MYH11: variants seen among roughly 807,000 people sequenced by gnomAD.
MYH11 encodes myosin-11.
MYH11 carries 80 observed loss-of-function variants against 246.6 expected under a neutral mutation model. That is an observed-to-expected ratio of 0.32 (90% CI 0.27 to 0.39). The LOEUF is 0.39. MYH11 is among the 10% of genes least tolerant of loss of function. The pLI is 1.00. For missense variants in MYH11, 2,158 were observed against 2,546.8 expected (o/e 0.85, Z 3.29); for synonymous variants, 1,071 against 1,015.5 (o/e 1.05, Z -1.04).
In MYH11 at chr16:15,838,257, C is replaced by T. The variant is rs367591238; in HGVS notation, c.-5G>A. On this transcript the variant is annotated 5_prime_UTR_variant, in exon 2 of 41. Coordinates refer to ENST00000300036, the MANE Select transcript of MYH11 (RefSeq NM_002474.3). ...GAGTTGGCCCTTCTGCGCCATGGTG[C>T]CTTGTTGGTCCCCTGTGGAATAAGG... 12 of 1,613,800 alleles carry T rather than the reference C, an allele frequency of 7.4e-6. No homozygotes were observed. The highest frequency in any genetic ancestry group is 1.0e-5 in the Non-Finnish European group (12 of 1,179,862).
At chr16:15,852,520 A>C (rs1007862987) in intron 1 of MYH11, among the ~76,000 whole-genome samples, 11 of 151,740 alleles carry the variant, frequency 7.2e-5, no homozygotes, top group Admixed American at 5.2e-4. Context: ...TTTAGTAGAG[A>C]TAGGGTTTAG....
chr16:15,793,260 C>T lies in MYH11; in HGVS notation c.530+5400G>A, dbSNP rs79357059. On this transcript the variant is annotated intron_variant, in intron 4 of 40. Coordinates refer to ENST00000300036, the MANE Select transcript of MYH11 (RefSeq NM_002474.3). ...AGGCCTAAAAATTACATTTATTCAGCTTTCAGTTTCCTTCCTTTCTTGTCT... is the reference window on the plus strand; with the variant it reads ...AGGCCTAAAAATTACATTTATTCAGTTTTCAGTTTCCTTCCTTTCTTGTCT... Among the ~76,000 whole-genome samples the T allele has an allele frequency of 2.2e-3, 333 of 152,212 alleles. 2 individuals carry two copies. The highest frequency in any genetic ancestry group is 7.7e-3 in the African/African-American group (322 of 41,558).
chr16:15,804,682 C>G (rs2042969142), intron 3 of MYH11, among the ~76,000 whole-genome samples: 1 of 152,150 alleles, frequency 6.6e-6, no homozygotes, highest in Non-Finnish European at 1.5e-5. Context: ...CCCCCATAAG[C>G]CCTTGCAACC....
chr16:15,801,644 G>C (rs1232774908), intron 3 of MYH11, among the ~76,000 whole-genome samples: 1 of 151,962 alleles, frequency 6.6e-6, no homozygotes, highest in Non-Finnish European at 1.5e-5. Context: ...CTGGGCAATG[G>C]AGTGAGACCC....
chr16:15,834,110 G>C (rs778902788), intron 2 of MYH11, among the ~76,000 whole-genome samples: 35 of 151,990 alleles, frequency 2.3e-4, no homozygotes, highest in Non-Finnish European at 4.9e-4. Flanking sequence ...CAGCAGGTGA[G>C]ATGAATACAC....
At position 15,748,138 on chromosome 16, in the gene MYH11, C is replaced by G; in HGVS notation, c.2089G>C (p.Glu697Gln). The change falls in exon 17 of 41, where the codon GAG becomes CAG. Residue 697 changes from glutamate (E) to glutamine (Q), a missense_variant. By Grantham distance (29) the Glu-to-Gln change is conservative. Coordinates refer to ENST00000300036, the MANE Select transcript of MYH11 (RefSeq NM_002474.3). ...AGCACCCCATTGCACCGCAGCTGCTCCAGCACCAGGAACGCATCCAGCTTG... is the reference window on the plus strand; with the variant it reads ...AGCACCCCATTGCACCGCAGCTGCTGCAGCACCAGGAACGCATCCAGCTTG... ...SGKLDAFLVL[E>Q]QLRCNGVLEG... 1 of 1,614,030 alleles carries G rather than the reference C, an allele frequency of 6.2e-7. No individual in the cohort carries two copies. The highest frequency in any genetic ancestry group is 8.5e-7 in the Non-Finnish European group (1 of 1,180,028).
chr16:15,749,944 A>G (rs1188917338), intron 16 of MYH11, 194 bp downstream of exon 16: 27 of 669,990 alleles, frequency 4.0e-5, no homozygotes, highest in Non-Finnish European at 2.8e-5. Context: ...CACAACTGAA[A>G]AGTCTCTGGA....
At chr16:15,810,645 C>CT (rs1293555344) in intron 3 of MYH11, among the ~76,000 whole-genome samples, 4 of 152,222 alleles carry the variant, frequency 2.6e-5, no homozygotes, top group Non-Finnish European at 5.9e-5. Flanking sequence ...TGTAGCAGCA[C>CT]TGCCTCTGCA....
At chr16:15,825,433 T>C (rs1193778806) in intron 2 of MYH11, among the ~76,000 whole-genome samples, 3 of 150,814 alleles carry the variant, frequency 2.0e-5, no homozygotes, top group African/African-American at 7.3e-5. Context: ...GGTGATCACC[T>C]GTAGTCCCAG....
chr16:15,726,208 TTTCCC>T (rs886051755), intron 28 of MYH11: 65 of 155,022 alleles, frequency 4.2e-4, no homozygotes, highest in East Asian at 1.7e-3. Flanking sequence ...TATTCATGTC[TTTCCC>T]TTCCCTTCCC....
intron 1 of MYH11, among the ~76,000 whole-genome samples, chr16:15,838,625 C>T (rs1018355307): frequency 5.9e-5 from 9 of 152,152 alleles, no homozygotes; most frequent in East Asian, 1.9e-4. Context: ...TGTGGGAGGC[C>T]GAGGTGGGCA....
chr16:15,797,743 C>T (rs774822265), intron 4 of MYH11, among the ~76,000 whole-genome samples: 9 of 151,998 alleles, frequency 5.9e-5, no homozygotes, highest in Admixed American at 2.0e-4. Context: ...AAGGAAAATT[C>T]GATTCCCCCA....
intron 40 of MYH11, 57 bp from the exon 41 acceptor site, chr16:15,704,180 A>T: frequency 6.2e-7 from 1 of 1,603,144 alleles, no homozygotes; most frequent in Non-Finnish European, 8.5e-7. Flanking sequence ...GTTGGGATAG[A>T]TTTTTTATAA....
chr16:15,753,583 T>A (rs2041631919), intron 14 of MYH11, 75 bp from the exon 15 acceptor site: 1 of 1,099,732 alleles, frequency 9.1e-7, no homozygotes. Context: ...ACCCCAGCCC[T>A]CCCATTGTCC....
At chr16:15,839,060 A>G (rs914438725) in intron 1 of MYH11, among the ~76,000 whole-genome samples, 1 of 151,950 alleles carries the variant, frequency 6.6e-6, no homozygotes, top group African/African-American at 2.4e-5. Flanking sequence ...AATACAAAAA[A>G]TTAGCCAGGC....
chr16:15,847,386 G>A (rs1215033756), intron 1 of MYH11, among the ~76,000 whole-genome samples: 1 of 151,824 alleles, frequency 6.6e-6, no homozygotes, highest in Non-Finnish European at 1.5e-5. Flanking sequence ...AAATAGTTGG[G>A]ACCACAGGCA....
chr16:15,708,245 C>T (rs753519545), intron 40 of MYH11, among the ~76,000 whole-genome samples: 3 of 152,206 alleles, frequency 2.0e-5, no homozygotes, highest in East Asian at 1.9e-4. Context: ...TCATTTCCTT[C>T]GCAGACAAGC....
intron 2 of MYH11, 53 bp from the exon 3 acceptor site, chr16:15,823,464 T>G: frequency 1.9e-6 from 3 of 1,608,326 alleles, no homozygotes; most frequent in South Asian, 1.1e-5. Flanking sequence ...GTAGACAGAT[T>G]GCACAGAAGC....
intron 40 of MYH11, chr16:15,711,365 T>G (rs1048008018): frequency 3.9e-5 from 6 of 152,282 alleles, no homozygotes; most frequent in Middle Eastern, 6.8e-3. Flanking sequence ...TAATGGCTGT[T>G]GTCACTCCCT....
Sources: allele counts gnomAD v4.1 joint callset (sites outside exome capture counted in the v4.1 genomes callset), GRCh38; gene constraint gnomAD v4.1.1; transcripts MANE v1.5; gene names NCBI Gene and HGNC (gene_info 2026-07-23, HGNC 2026-07-21).